STPG2: variants seen among roughly 807,000 people sequenced by gnomAD.
The protein encoded by STPG2 is sperm tail PG-rich repeat containing 2.
In STPG2, 56 loss-of-function variants were observed where a neutral mutation model predicts 54.2. That is an observed-to-expected ratio of 1.03 (90% CI 0.83 to 1.29). The LOEUF is 1.29. STPG2 is among the 50% of genes most tolerant of loss of function. The pLI, the probability that STPG2 is intolerant of heterozygous loss-of-function variation, is 0.00. For synonymous variants in STPG2, 200 were observed against 181.8 expected, an observed-to-expected ratio of 1.10 and a Z score of -0.81; for missense variants, 596 against 544.9, an observed-to-expected ratio of 1.09 and a Z score of -0.93.
At chr4:97,891,489 TA>T (rs57870364) in intron 8 of STPG2, among the ~76,000 whole-genome samples, 9 of 150,772 alleles carry the variant, frequency 6.0e-5, no homozygotes, top group Admixed American at 1.3e-4. Context: ...AGCAGGTAAC[TA>T]AAAAAAAATG....
intron 8 of STPG2, among the ~76,000 whole-genome samples, chr4:97,883,637 A>G (rs1730458927): frequency 6.6e-6 from 1 of 152,212 alleles, no homozygotes; most frequent in Non-Finnish European, 1.5e-5. Context: ...TTAATTCATC[A>G]TTAGACTCGA....
At chr4:97,529,509 G>T (rs935941277) in intron 4 of STPG2, among the ~76,000 whole-genome samples, 5 of 152,080 alleles carry the variant, frequency 3.3e-5, no homozygotes, top group African/African-American at 1.2e-4. Context: ...AGTGAGTTAG[G>T]GAGGAGTCCC....
At position 97,848,981 on chromosome 4, in the gene STPG2, G is replaced by A. The variant is rs552942121; in HGVS notation, c.1045-8049C>T. ...TGGCTTAGGATTGACTTGGCGATGT[G>A]GGCTCTTTTTTGGTTCCATATGAAC... On this transcript the variant is annotated intron_variant, in intron 8 of 10. Transcript: ENST00000295268. Among the ~76,000 whole-genome samples, 58 of 148,678 alleles carry A rather than the reference G, an allele frequency of 3.9e-4. No individual in the cohort carries two copies. The East Asian group carries it at 9.3e-3, about 24-fold the overall frequency.
intron 10 of STPG2, among the ~76,000 whole-genome samples, chr4:97,564,484 A>G (rs560802047): frequency 1.5e-3 from 224 of 152,202 alleles, no homozygotes; most frequent in African/African-American, 5.1e-3. Context: ...TTATGATGTT[A>G]GCTGGTTATT....
intron 9 of STPG2, among the ~76,000 whole-genome samples, chr4:97,787,724 T>C (rs1204731157): frequency 6.6e-6 from 1 of 151,956 alleles, no homozygotes; most frequent in Non-Finnish European, 1.5e-5. Flanking sequence ...ATGCTTGATA[T>C]GTTCTTATCA....
At chr4:97,532,327 A>AT (rs1258668489) in intron 4 of STPG2, among the ~76,000 whole-genome samples, 6 of 152,292 alleles carry the variant, frequency 3.9e-5, no homozygotes, top group African/African-American at 1.2e-4. Context: ...CTATAAAAGA[A>AT]TTTGAAATAT....
intron 5 of STPG2, among the ~76,000 whole-genome samples, chr4:97,989,612 T>C (rs1298433502): frequency 6.6e-6 from 1 of 152,222 alleles, no homozygotes; most frequent in Non-Finnish European, 1.5e-5. Flanking sequence ...AATTTTTTTC[T>C]TTCCTTATTG....
chr4:97,576,048 T>C (rs1217262297), intron 10 of STPG2, among the ~76,000 whole-genome samples: 1 of 152,008 alleles, frequency 6.6e-6, no homozygotes, highest in Admixed American at 6.6e-5. Context: ...GAAATATATC[T>C]AACCAAGGAG....
intron 10 of STPG2, among the ~76,000 whole-genome samples, chr4:97,568,557 TAGCAATG>T (rs1732514779): frequency 6.6e-6 from 1 of 151,992 alleles, no homozygotes. Flanking sequence ...CATACTGCAG[TAGCAATG>T]AGCACATTTA....
intron 9 of STPG2, among the ~76,000 whole-genome samples, chr4:97,733,723 G>C (rs974630819): frequency 6.6e-6 from 1 of 152,132 alleles, no homozygotes; most frequent in Non-Finnish European, 1.5e-5. Context: ...AGGGCCAGGT[G>C]CTGGTCCGGT....
intron 9 of STPG2, among the ~76,000 whole-genome samples, chr4:97,759,238 C>A (rs1232476852): frequency 6.6e-6 from 1 of 152,018 alleles, no homozygotes; most frequent in Non-Finnish European, 1.5e-5. Context: ...TTGCCACTAG[C>A]CTTTATTCTG....
intron 4 of STPG2, among the ~76,000 whole-genome samples, chr4:97,552,143 A>G (rs948155734): frequency 1.3e-5 from 2 of 152,148 alleles, no homozygotes; most frequent in East Asian, 3.8e-4. Context: ...ATTCAAATCA[A>G]GACAGATTTG....
At chr4:97,729,965 G>A (rs1378131506) in intron 9 of STPG2, among the ~76,000 whole-genome samples, 1 of 152,028 alleles carries the variant, frequency 6.6e-6, no homozygotes, top group Non-Finnish European at 1.5e-5. Context: ...TCATTTATTA[G>A]TTCTCAGAGT....
intron 10 of STPG2, among the ~76,000 whole-genome samples, chr4:97,626,047 A>G (rs1734129952): frequency 6.6e-6 from 1 of 152,204 alleles, no homozygotes; most frequent in African/African-American, 2.4e-5. Flanking sequence ...CACGGTCTGA[A>G]GTTATCATAT....
chr4:97,547,421 A>G (rs1483150468), intron 4 of STPG2, among the ~76,000 whole-genome samples: 3 of 152,162 alleles, frequency 2.0e-5, no homozygotes, highest in African/African-American at 4.8e-5. Context: ...CGTGTTAGCC[A>G]GGATGGTCTC....
At chr4:97,473,612 C>T (rs976692293) in intron 4 of STPG2, among the ~76,000 whole-genome samples, 3 of 152,096 alleles carry the variant, frequency 2.0e-5, no homozygotes, top group Non-Finnish European at 4.4e-5. Context: ...TGTGATCTCG[C>T]CCTGCCATTT....
chr4:98,061,972 T>C (rs1737675032), intron 5 of STPG2, among the ~76,000 whole-genome samples: 1 of 152,160 alleles, frequency 6.6e-6, no homozygotes, highest in Admixed American at 6.5e-5. Context: ...ATATAAATGA[T>C]TCTACCATAA....
chr4:97,815,520 T>C (rs1286904117), intron 9 of STPG2, among the ~76,000 whole-genome samples: 1 of 152,220 alleles, frequency 6.6e-6, no homozygotes, highest in Non-Finnish European at 1.5e-5. Context: ...CCTGTATATA[T>C]AAAATCTTTT....
chr4:97,602,989 T>A (rs1733502715), intron 10 of STPG2, among the ~76,000 whole-genome samples: 1 of 151,692 alleles, frequency 6.6e-6, no homozygotes, highest in African/African-American at 2.4e-5. Flanking sequence ...TAAATTAGTT[T>A]TAAAGCATGC....
Sources: allele counts gnomAD v4.1 joint callset (sites outside exome capture counted in the v4.1 genomes callset), GRCh38; gene constraint gnomAD v4.1.1; transcripts MANE v1.5; gene names NCBI Gene and HGNC (gene_info 2026-07-23, HGNC 2026-07-21).